EPHA4: variants seen among roughly 807,000 people sequenced by gnomAD.
The protein encoded by EPHA4 is EPH receptor A4, also known as ephrin type-A receptor 4.
Under a neutral mutation model 108.3 loss-of-function variants are expected in EPHA4, and 19 were observed. The observed-to-expected ratio is 0.18, with a 90% confidence interval of 0.12 to 0.26. The LOEUF is 0.26. Ranked by LOEUF, EPHA4 falls within the 10% of genes least tolerant of loss-of-function variation. EPHA4 has a pLI of 1.00. For missense variants in EPHA4, 917 were observed against 1,254.0 expected, an observed-to-expected ratio of 0.73 and a Z score of 4.06; for synonymous variants, 449 against 455.5, an observed-to-expected ratio of 0.99 and a Z score of 0.18.
intron 3 of EPHA4, among the ~76,000 whole-genome samples, chr2:221,558,440 C>G (rs1343263754): frequency 6.6e-6 from 1 of 151,950 alleles, no homozygotes; most frequent in Non-Finnish European, 1.5e-5. Flanking sequence ...TCCCCCACCC[C>G]CCGCCATTAA....
chr2:221,541,690 G>C (rs72965031), intron 3 of EPHA4, among the ~76,000 whole-genome samples: 1 of 152,296 alleles, frequency 6.6e-6, no homozygotes, highest in East Asian at 1.9e-4. Flanking sequence ...TGATTCTGAC[G>C]TTACCAACAA....
intron 4 of EPHA4, among the ~76,000 whole-genome samples, chr2:221,493,067 C>T (rs983614967): frequency 2.0e-5 from 3 of 152,110 alleles, no homozygotes; most frequent in Admixed American, 6.6e-5. Context: ...CTTTCATTTA[C>T]GACACTTTGG....
At chr2:221,420,830 T>G (rs180948033) in intron 17 of EPHA4, among the ~76,000 whole-genome samples, 1 of 152,116 alleles carries the variant, frequency 6.6e-6, no homozygotes, top group Non-Finnish European at 1.5e-5. Context: ...ATAAGGAGAC[T>G]AAGTACCCTG....
chr2:221,473,217 T>C lies in EPHA4; in HGVS notation c.1318+9135A>G, dbSNP rs544620518. On this transcript the variant is annotated intron_variant, in intron 5 of 17. Coordinates refer to ENST00000281821, the MANE Select transcript of EPHA4 (RefSeq NM_004438.5). ...AAAGCATGAGTACAGGTTGTGGGGG[T>C]GGCGGGTGGAAAGGTGGACACCAGA... 2.6e-5 allele frequency among the ~76,000 whole-genome samples: 4 copies of C among 151,956 alleles called. No homozygotes were observed. In the East Asian group the frequency reaches 7.7e-4, roughly 29 times the overall value.
chr2:221,563,723 C>T lies in EPHA4; in HGVS notation c.823+8G>A, dbSNP rs770767700. ...CCAGTGAAAAAACTGCAATATGGACCCTCTTACCTTGGCATTCTCCGCTCC... is the reference window on the plus strand; with the variant it reads ...CCAGTGAAAAAACTGCAATATGGACTCTCTTACCTTGGCATTCTCCGCTCC... On this transcript the variant is annotated splice_region_variant and intron_variant, in intron 3 of 17. Coordinates refer to ENST00000281821, the MANE Select transcript of EPHA4 (RefSeq NM_004438.5). The T allele has an allele frequency of 6.2e-6, 10 of 1,612,328 alleles. No homozygotes were observed. The highest frequency in any genetic ancestry group is 8.5e-6 in the Non-Finnish European group (10 of 1,178,992).
At chr2:221,422,406 G>A (rs1689785338) in intron 17 of EPHA4, among the ~76,000 whole-genome samples, 1 of 152,174 alleles carries the variant, frequency 6.6e-6, no homozygotes, top group African/African-American at 2.4e-5. Flanking sequence ...TCTTAAAGGA[G>A]AAAGAATGGT....
intron 3 of EPHA4, among the ~76,000 whole-genome samples, chr2:221,520,433 G>A (rs1693126640): frequency 2.0e-5 from 3 of 151,708 alleles, no homozygotes; most frequent in African/African-American, 4.8e-5. Context: ...ATGTGTCTTT[G>A]AACATATATT....
At chr2:221,461,285 T>A (rs574604887) in intron 5 of EPHA4, among the ~76,000 whole-genome samples, 1 of 152,336 alleles carries the variant, frequency 6.6e-6, no homozygotes, top group African/African-American at 2.4e-5. Flanking sequence ...CACACTTTGG[T>A]AAACAATGCC....
At chr2:221,473,510 T>C (rs1691555761) in intron 5 of EPHA4, among the ~76,000 whole-genome samples, 1 of 114,058 alleles carries the variant, frequency 8.8e-6, no homozygotes, top group Non-Finnish European at 1.7e-5. Flanking sequence ...TAATGCAAGA[T>C]AAGTCCTGTG....
intron 11 of EPHA4, among the ~76,000 whole-genome samples, chr2:221,437,879 C>T (rs1027016097): frequency 2.6e-5 from 3 of 117,350 alleles, no homozygotes; most frequent in African/African-American, 1.0e-4. Context: ...GCCGAGATTG[C>T]GTCATTACAC....
chr2:221,505,948 TG>T (rs1004877477), intron 3 of EPHA4, among the ~76,000 whole-genome samples: 2 of 152,168 alleles, frequency 1.3e-5, no homozygotes, highest in African/African-American at 4.8e-5. Context: ...TGGACATTAA[TG>T]GGGGGTTAAA....
At chr2:221,544,193 T>C (rs1693917513) in intron 3 of EPHA4, among the ~76,000 whole-genome samples, 1 of 152,192 alleles carries the variant, frequency 6.6e-6, no homozygotes, top group East Asian at 1.9e-4. Flanking sequence ...GGGGCATAAA[T>C]ATTCAGATCA....
chr2:221,540,726 T>A (rs1388395829), intron 3 of EPHA4, among the ~76,000 whole-genome samples: 2 of 152,196 alleles, frequency 1.3e-5, no homozygotes, highest in Admixed American at 1.3e-4. Flanking sequence ...GGATTCCCTC[T>A]ACTAAGGACT....
intron 4 of EPHA4, among the ~76,000 whole-genome samples, chr2:221,499,742 ATATATATATATATATTTTTT>A (rs1320592053): frequency 1.9e-4 from 11 of 56,462 alleles, no homozygotes; most frequent in African/African-American, 1.1e-3. Context: ...ATATATATAT[ATATATATATATATATTTTTT>A]TTTTTTTTTT....
chr2:221,483,535 T>TGTGTGTGTGTGTGTGTGA (rs574575643), intron 4 of EPHA4, among the ~76,000 whole-genome samples: 12 of 150,306 alleles, frequency 8.0e-5, no homozygotes, highest in African/African-American at 2.9e-4. Flanking sequence ...TGTGTGTGTG[T>TGTGTGTGTGTGTGTGTGA]GATGGAGTCT....
chr2:221,434,899 TAA>T (rs11362465), intron 13 of EPHA4, among the ~76,000 whole-genome samples: 45 of 151,452 alleles, frequency 3.0e-4, no homozygotes, highest in African/African-American at 1.1e-3. Context: ...GTTATTAAAT[TAA>T]AAAAAAAAGA....
At chr2:221,558,856 G>A (rs778998671) in intron 3 of EPHA4, among the ~76,000 whole-genome samples, 1 of 152,192 alleles carries the variant, frequency 6.6e-6, no homozygotes. Flanking sequence ...TTCAAAGCCG[G>A]AGATAAAAGC....
At chr2:221,485,131 T>C (rs1574602487) in intron 4 of EPHA4, among the ~76,000 whole-genome samples, 2 of 152,104 alleles carry the variant, frequency 1.3e-5, no homozygotes, top group Admixed American at 1.3e-4. Context: ...CACTTTCACA[T>C]GGGAAAATGT....
chr2:221,489,832 A>C (rs1692086314), intron 4 of EPHA4, among the ~76,000 whole-genome samples: 1 of 152,156 alleles, frequency 6.6e-6, no homozygotes, highest in Non-Finnish European at 1.5e-5. Flanking sequence ...CCAGCTCACT[A>C]ATCAGAAGCA....
Sources: gnomAD v4.1 joint callset for allele counts (sites outside exome capture counted in the v4.1 genomes callset) on GRCh38, gnomAD v4.1.1 for gene constraint, MANE v1.5 for transcripts, NCBI Gene and HGNC (gene_info 2026-07-23, HGNC 2026-07-21) for gene names.